Variants in ZNF184 observed in about 807,000 individuals in gnomAD.
ZNF184 encodes zinc finger protein 184, also known as zinc finger protein 184 (Kruppel-like).
In ZNF184, 16 loss-of-function variants were observed where a neutral mutation model predicts 54.4. That is an observed-to-expected ratio of 0.29 (90% confidence interval 0.20 to 0.45). The LOEUF (loss-of-function observed/expected upper bound fraction) is 0.45. Ranked by LOEUF, ZNF184 falls within the 20% of genes least tolerant of loss-of-function variation. The pLI is 1.00. For missense variants in ZNF184, 681 were observed against 888.2 expected (o/e 0.77, Z 2.97); for synonymous variants, 254 against 295.3 (o/e 0.86, Z 1.43).
At chr6:27,471,028 T>C (rs536123811) in intron 2 of ZNF184, among the ~76,000 whole-genome samples, 4 of 152,260 alleles carry the variant, frequency 2.6e-5, no homozygotes, top group Admixed American at 2.6e-4. Context: ...TCTAATGATA[T>C]TATCTTTAAC....
chr6:27,468,291 T>C (rs762877332), intron 2 of ZNF184, among the ~76,000 whole-genome samples: 1 of 152,220 alleles, frequency 6.6e-6, no homozygotes, highest in Non-Finnish European at 1.5e-5. Flanking sequence ...TTGAAAACTT[T>C]GCTATTAATG....
intron 3 of ZNF184, among the ~76,000 whole-genome samples, chr6:27,457,626 C>T (rs1234827091): frequency 6.6e-6 from 1 of 152,202 alleles, no homozygotes; most frequent in Non-Finnish European, 1.5e-5. Flanking sequence ...AATTTAACGT[C>T]TGGCATATAA....
chr6:27,458,859 A>C (rs1303131819), intron 3 of ZNF184, among the ~76,000 whole-genome samples: 4 of 152,242 alleles, frequency 2.6e-5, no homozygotes, highest in Non-Finnish European at 5.9e-5. Flanking sequence ...TGGATAAAGA[A>C]AATGTGGTAT....
At chr6:27,447,072 CAA>C (rs1321698681), downstream of ZNF184, among the ~76,000 whole-genome samples, 333 of 31,998 alleles carry the variant, frequency 0.01, 1 homozygote, top group Admixed American at 0.025. Context: ...CCACTGCAAT[CAA>C]AAAAAAAAAA....
intron 3 of ZNF184, 92 bp downstream of exon 3, chr6:27,467,761 G>T: frequency 1.6e-6 from 2 of 1,261,742 alleles, no homozygotes; most frequent in South Asian, 1.5e-5. Context: ...TGCCAACATT[G>T]ATTTTTGGAT....
the ZNF184 span, among the ~76,000 whole-genome samples, chr6:27,444,949 A>G: frequency 1.3e-5 from 2 of 152,164 alleles, no homozygotes; most frequent in South Asian, 4.1e-4. Flanking sequence ...GCTAAATCAC[A>G]ATGAAAACGT....
the ZNF184 span, chr6:27,406,865 G>C: frequency 0.049 from 7,351 of 151,536 alleles, 256 homozygotes; most frequent in Non-Finnish European, 0.072. Flanking sequence ...GGACTGGGCA[G>C]GCACTTCCTG....
chr6:27,472,569 A>G lies in ZNF184; in HGVS notation c.-139-136T>C. 4.5e-6 allele frequency: 2 copies of G among 446,420 alleles called. No individual in the cohort carries two copies. The allele number at this position is 446,420 out of a possible 1,614,324, so 27.7% of individuals were successfully genotyped here. On this transcript the variant is annotated intron_variant, in intron 1 of 5. Coordinates refer to ENST00000683788, the MANE Select transcript of ZNF184 (RefSeq NM_001318891.2). This position sits in a 1 kb window ranked among gnomAD's most constrained non-coding sequence, Gnocchi z 4.8. ...AGAGGTGTGTGGCACTCCGATGAAC[A>G]AAACAGAGTGGAGATCGGGTACGCG...
chr6:27,452,368 C>G lies in ZNF184; in HGVS notation c.1191G>C (p.Lys397Asn), dbSNP rs748777086. Residue 397 changes from lysine to asparagine, a missense_variant, in exon 6 of 6, where the codon AAG (lysine) becomes AAC (asparagine). Coordinates refer to ENST00000683788, the MANE Select transcript of ZNF184 (RefSeq NM_001318891.2). The surrounding 1 kb of genome is among the most constrained non-coding windows in gnomAD (Gnocchi z 5.5). Reference protein sequence around the residue: ...EKTYKCNECGKAFNGPSTFIR... With the variant: ...EKTYKCNECGNAFNGPSTFIR... Reference sequence around the variant, plus strand: ...TAAAAGTTGAGGGCCCGTTGAAGGCCTTTCCACATTCATTACATTTATAGG... The same window carrying G: ...TAAAAGTTGAGGGCCCGTTGAAGGCGTTTCCACATTCATTACATTTATAGG... The G allele has an allele frequency of 6.2e-7, 1 of 1,614,018 alleles. No homozygotes were observed. The highest frequency in any genetic ancestry group is 8.5e-7 in the Non-Finnish European group (1 of 1,179,994).
In ZNF184 at chr6:27,451,568, T is replaced by C. The variant is rs751201611; in HGVS notation, c.1991A>G (p.His664Arg). ...SSHLTQHQRIHTGEKPYKCNE... is the reference protein window; with the variant it reads ...SSHLTQHQRIRTGEKPYKCNE... ...GCACTTATAGGGCTTCTCCCCAGTG[T>C]GAATTCGTTGATGCTGAGTTAGATG... The change falls in exon 6 of 6, where the codon CAC (histidine) becomes CGC (arginine). Residue 664 changes from histidine to arginine, a missense_variant. Transcript: ENST00000683788. 1.2e-6 allele frequency: 2 copies of C among 1,614,054 alleles called. No individual in the cohort carries two copies. The highest frequency in any genetic ancestry group is 1.7e-6 in the Non-Finnish European group (2 of 1,180,010).
the ZNF184 span, among the ~76,000 whole-genome samples, chr6:27,440,580 T>A: frequency 1.2e-3 from 178 of 152,256 alleles, no homozygotes; most frequent in Middle Eastern, 3.4e-3. Context: ...TGTGATCTGT[T>A]TAGATTTGTA....
At chr6:27,424,868 G>A in the ZNF184 span, among the ~76,000 whole-genome samples, 1 of 152,220 alleles carries the variant, frequency 6.6e-6, no homozygotes, top group Non-Finnish European at 1.5e-5. Context: ...TGGGCGCCGT[G>A]GAACAGGGGG....
downstream of ZNF184, among the ~76,000 whole-genome samples, chr6:27,446,977 T>C (rs959089095): frequency 2.6e-5 from 4 of 151,010 alleles, no homozygotes; most frequent in Non-Finnish European, 2.9e-5. Flanking sequence ...AAACCCTGTC[T>C]CTACTAAAAA....
chr6:27,423,933 T>C, the ZNF184 span, among the ~76,000 whole-genome samples: 1 of 152,240 alleles, frequency 6.6e-6, no homozygotes, highest in Non-Finnish European at 1.5e-5. Flanking sequence ...TGCTTGAGTC[T>C]GCTCTTGTTG....
the ZNF184 span, chr6:27,405,136 G>A: frequency 6.6e-6 from 1 of 152,262 alleles, no homozygotes; most frequent in Admixed American, 6.5e-5. Context: ...GGCAAAAACG[G>A]CAATTACTTT....
rs757322216 is a variant in ZNF184 at position 27,457,369 on chromosome 6, T to C, written c.116A>G (p.Gln39Arg). The C allele has an allele frequency of 6.2e-7, 1 of 1,613,896 alleles. No homozygotes were observed. Reference sequence around the variant, plus strand: ...AGGGTCCAGCTGTTTCCATTCTTCCTGGGTAAAGTCCACTATCACATCCTT... The same window carrying C: ...AGGGTCCAGCTGTTTCCATTCTTCCCGGGTAAAGTCCACTATCACATCCTT... ...TFKDVIVDFT[Q>R]EEWKQLDPGQ... The change falls in exon 4 of 6, where the codon CAG becomes CGG. Residue 39 changes from glutamine to arginine, a missense_variant. Transcript: ENST00000683788.
the ZNF184 span, among the ~76,000 whole-genome samples, chr6:27,442,875 A>C: frequency 1.6e-5 from 1 of 63,004 alleles, no homozygotes. Flanking sequence ...AGAAAGAAAG[A>C]AAGAAAAAGA....
At chr6:27,415,045 G>A in the ZNF184 span, among the ~76,000 whole-genome samples, 1 of 152,156 alleles carries the variant, frequency 6.6e-6, no homozygotes, top group Non-Finnish European at 1.5e-5. Flanking sequence ...TATTTTGAGA[G>A]GAATATGAAA....
the ZNF184 span, among the ~76,000 whole-genome samples, chr6:27,421,571 G>T: frequency 6.6e-6 from 1 of 152,046 alleles, no homozygotes; most frequent in Admixed American, 6.5e-5. Context: ...CGCTAATCAA[G>T]CCCCTTGAAT....
Sources: gnomAD v4.1 joint callset for allele counts (sites outside exome capture counted in the v4.1 genomes callset) on GRCh38, gnomAD v4.1.1 for gene constraint, Gnocchi (gnomAD v3.1) non-coding constraint, MANE v1.5 for transcripts, NCBI Gene and HGNC (gene_info 2026-07-23, HGNC 2026-07-21) for gene names.